The following NTM variants were observed in gnomAD, a reference collection of about 807,000 sequenced individuals.
NTM encodes the protein IgLON family member 2.
A neutral mutation model predicts 42.1 loss-of-function variants in NTM; 13 were observed. The ratio of observed to expected loss-of-function variants is 0.31; its 90% CI spans 0.20 to 0.49. The LOEUF (loss-of-function observed/expected upper bound fraction) is 0.49, where lower values mean the gene tolerates loss of function less well. Ranked by LOEUF, NTM falls within the 20% of genes least tolerant of loss-of-function variation. The pLI is 0.99. For missense variants in NTM, 373 were observed against 452.8 expected, an observed-to-expected ratio of 0.82 and a Z score of 1.60; for synonymous variants, 187 against 179.2, an observed-to-expected ratio of 1.04 and a Z score of -0.35.
intron 1 of NTM, chr11:131,771,012 T>G (rs2085997400): frequency 6.6e-6 from 1 of 152,186 alleles, no homozygotes; most frequent in Admixed American, 6.5e-5. Context: ...ACCGTAGCAC[T>G]GGTGACTCAC....
chr11:131,892,279 A>G (rs1261284997), intron 1 of NTM, among the ~76,000 whole-genome samples: 1 of 152,234 alleles, frequency 6.6e-6, no homozygotes, highest in Middle Eastern at 3.2e-3. Context: ...ATTACATGAT[A>G]AAGTATAATT....
chr11:131,577,380 T>C (rs1282148194), intron 1 of NTM, among the ~76,000 whole-genome samples: 2 of 152,192 alleles, frequency 1.3e-5, no homozygotes, highest in Non-Finnish European at 2.9e-5. Flanking sequence ...CTATCAACTC[T>C]TATAGCACTT....
chr11:132,009,059 CT>C (rs1438004961), intron 2 of NTM, among the ~76,000 whole-genome samples: 2 of 152,228 alleles, frequency 1.3e-5, no homozygotes, highest in Non-Finnish European at 2.9e-5. Flanking sequence ...TGCACACACT[CT>C]GCTTCCCGCT....
At chr11:132,326,839 A>AT (rs1303080677) in intron 7 of NTM, among the ~76,000 whole-genome samples, 1 of 152,094 alleles carries the variant, frequency 6.6e-6, no homozygotes, top group Non-Finnish European at 1.5e-5. Flanking sequence ...AGAGCTATGT[A>AT]TTTTCTCAGG....
chr11:131,873,626 T>TATATATATACACATATATATATACACAC (rs1565658019), intron 1 of NTM, among the ~76,000 whole-genome samples: 1,019 of 83,178 alleles, frequency 0.012, 95 homozygotes, highest in African/African-American at 0.062. Flanking sequence ...TATATATACA[T>TATATATATACACATATATATATACACAC]ATATATATAC....
rs527788930 is a variant in NTM, at chr11:131,621,636, CAAAAAAAAAA to C, written c.82+250764_82+250773del. Among the ~76,000 whole-genome samples the C allele has an allele frequency of 6.2e-4, 61 of 99,004 alleles. No homozygotes were observed. The East Asian group carries it at 0.016, about 26-fold the overall frequency. 65.0% of individuals were successfully genotyped at this position (99,004 alleles called of 152,430 possible). Reference sequence around the variant, plus strand: ...GCAACATAGTAACACCCTATCTTTACAAAAAAAAAAAAAAAAAAAAAAAAAGTTTTCTTTA... The same window carrying C: ...GCAACATAGTAACACCCTATCTTTACAAAAAAAAAAAAAAAGTTTTCTTTA... On this transcript the variant is annotated intron_variant, in intron 1 of 8. Coordinates refer to ENST00000683400, the MANE Select transcript of NTM (RefSeq NM_001352005.2).
intron 1 of NTM, among the ~76,000 whole-genome samples, chr11:131,705,147 A>G (rs899871959): frequency 1.3e-5 from 2 of 152,212 alleles, no homozygotes; most frequent in African/African-American, 4.8e-5. Flanking sequence ...CAAATAGGTT[A>G]AACAGAAAGA....
intron 3 of NTM, among the ~76,000 whole-genome samples, chr11:132,202,364 T>A (rs542700795): frequency 2.6e-5 from 4 of 152,054 alleles, no homozygotes; most frequent in Admixed American, 6.6e-5. Flanking sequence ...ACCCCATCTA[T>A]CCTCCCTTCG....
At chr11:131,874,065 A>ATATATATATATATATATC (rs1565659857) in intron 1 of NTM, among the ~76,000 whole-genome samples, 7 of 60,188 alleles carry the variant, frequency 1.2e-4, no homozygotes, top group African/African-American at 3.0e-4. Context: ...ATATATATAT[A>ATATATATATATATATATC]TATCAGCAAC....
At chr11:132,254,841 TA>T (rs1391370054) in intron 4 of NTM, among the ~76,000 whole-genome samples, 1 of 152,174 alleles carries the variant, frequency 6.6e-6, no homozygotes, top group Non-Finnish European at 1.5e-5. Context: ...GCGCCATTGA[TA>T]TTTAGGCTGG....
Position 131,899,517 on chromosome 11 carries a change from G to A in NTM, c.83-12047G>A, listed in dbSNP as rs2052803777. ...GGAATTACTGGGTAGATGGGACCAT[G>A]ACATTAGAAAGGTCACACTGGGTCA... On this transcript the variant is annotated intron_variant, in intron 1 of 8. Transcript: ENST00000683400. Among the ~76,000 whole-genome samples the A allele has an allele frequency of 2.0e-5, 3 of 152,314 alleles. No individual in the cohort carries two copies. In the South Asian group the frequency reaches 6.2e-4, roughly 32 times the overall value.
chr11:131,456,000 C>T (rs558633625), intron 1 of NTM, among the ~76,000 whole-genome samples: 1 of 152,328 alleles, frequency 6.6e-6, no homozygotes, highest in South Asian at 2.1e-4. Flanking sequence ...AAAGAAAGTT[C>T]ATTGGCACTA....
intron 1 of NTM, among the ~76,000 whole-genome samples, chr11:131,464,729 C>A (rs1951730648): frequency 6.6e-6 from 1 of 152,194 alleles, no homozygotes; most frequent in South Asian, 2.1e-4. Flanking sequence ...CGGCTGAGAA[C>A]CACATTCTGT....
intron 1 of NTM, among the ~76,000 whole-genome samples, chr11:131,504,457 C>T (rs760059754): frequency 3.3e-5 from 5 of 152,268 alleles, no homozygotes; most frequent in South Asian, 2.1e-4. Context: ...ATGGCTTTCC[C>T]GGATCGAATT....
At chr11:131,773,054 C>A (rs188005146) in intron 1 of NTM, among the ~76,000 whole-genome samples, 2 of 152,308 alleles carry the variant, frequency 1.3e-5, no homozygotes, top group African/African-American at 4.8e-5. Flanking sequence ...GATGTTAGAA[C>A]AAAATATCAT....
chr11:132,193,451 A>G (rs562262156), intron 3 of NTM, among the ~76,000 whole-genome samples: 2 of 152,134 alleles, frequency 1.3e-5, no homozygotes, highest in African/African-American at 4.8e-5. Context: ...AATAAAAACA[A>G]TTTTCGAAAC....
chr11:132,280,148 T>C (rs561843370), intron 4 of NTM, among the ~76,000 whole-genome samples: 100 of 152,232 alleles, frequency 6.6e-4, no homozygotes, highest in Non-Finnish European at 1.1e-3. Context: ...TTCCCCTTGA[T>C]GGATCTCAAC....
At chr11:131,871,817 G>A (rs1206456248) in intron 1 of NTM, among the ~76,000 whole-genome samples, 1 of 151,976 alleles carries the variant, frequency 6.6e-6, no homozygotes, top group Non-Finnish European at 1.5e-5. Context: ...TGCCACTGTT[G>A]GTCCCCTAGG....
intron 1 of NTM, among the ~76,000 whole-genome samples, chr11:131,464,368 G>C (rs1053291820): frequency 2.0e-5 from 3 of 152,004 alleles, no homozygotes; most frequent in African/African-American, 7.3e-5. Context: ...CTGGGGGGGG[G>C]GCAGCAACAA....
Sources: gnomAD v4.1 joint callset for allele counts (sites outside exome capture counted in the v4.1 genomes callset) on GRCh38, gnomAD v4.1.1 for gene constraint, MANE v1.5 for transcripts, NCBI Gene and HGNC (gene_info 2026-07-23, HGNC 2026-07-21) for gene names.